The following GRIK3 variants were observed in gnomAD, a reference collection of about 807,000 sequenced individuals.
The protein encoded by GRIK3 is glutamate receptor ionotropic, kainate 3.
Under a neutral mutation model 102.5 loss-of-function variants are expected in GRIK3, and 29 were observed. That is an observed-to-expected ratio of 0.28 (90% CI 0.21 to 0.39). GRIK3 has a LOEUF of 0.39. Ranked by LOEUF, GRIK3 falls within the 10% of genes least tolerant of loss-of-function variation. The pLI is 1.00. For synonymous variants in GRIK3, 511 were observed against 504.9 expected, an observed-to-expected ratio of 1.01 and a Z score of -0.16; for missense variants, 908 against 1,252.4, an observed-to-expected ratio of 0.73 and a Z score of 4.15.
chr1:36,818,673 A>T (rs924677165), intron 12 of GRIK3, among the ~76,000 whole-genome samples: 3 of 152,218 alleles, frequency 2.0e-5, no homozygotes, highest in African/African-American at 7.2e-5. Flanking sequence ...AGAGCCTGGC[A>T]TGTAGTGGGT....
chr1:36,904,500 T>C (rs1319054872), intron 1 of GRIK3, among the ~76,000 whole-genome samples: 1 of 152,246 alleles, frequency 6.6e-6, no homozygotes, highest in African/African-American at 2.4e-5. Context: ...AAATACCATA[T>C]GACCCAGTAA....
intron 2 of GRIK3, 117 bp downstream of exon 2, chr1:36,890,803 A>C: frequency 1.4e-6 from 1 of 715,680 alleles, no homozygotes; most frequent in Non-Finnish European, 2.2e-6. Flanking sequence ...CAAACCAGGT[A>C]GAAAAGGCTC....
At chr1:36,888,043 T>C (rs1474287534) in intron 2 of GRIK3, among the ~76,000 whole-genome samples, 4 of 152,062 alleles carry the variant, frequency 2.6e-5, no homozygotes, top group Non-Finnish European at 5.9e-5. Context: ...CACTCCTAAG[T>C]ATATACCCAA....
At chr1:36,893,639 T>G (rs1641142434) in intron 1 of GRIK3, among the ~76,000 whole-genome samples, 2 of 152,078 alleles carry the variant, frequency 1.3e-5, no homozygotes, top group Non-Finnish European at 2.9e-5. Context: ...ACATTAGAAA[T>G]TTACCAAAAG....
chr1:36,940,714 T>G (rs1641710477), intron 1 of GRIK3, among the ~76,000 whole-genome samples: 1 of 152,216 alleles, frequency 6.6e-6, no homozygotes, highest in South Asian at 2.1e-4. Context: ...ATCCCACTTC[T>G]GATACCCTAA....
intron 11 of GRIK3, among the ~76,000 whole-genome samples, chr1:36,824,335 C>G (rs1227318251): frequency 6.6e-6 from 1 of 152,192 alleles, no homozygotes; most frequent in Non-Finnish European, 1.5e-5. Context: ...TCCTGGCTTT[C>G]AAAGGCTTGT....
At chr1:37,010,462 A>C (rs1302795189) in intron 1 of GRIK3, among the ~76,000 whole-genome samples, 1 of 152,204 alleles carries the variant, frequency 6.6e-6, no homozygotes, top group Non-Finnish European at 1.5e-5. Flanking sequence ...GAAGTGGTGG[A>C]GCCGGGATTC....
intron 1 of GRIK3, among the ~76,000 whole-genome samples, chr1:36,933,834 G>A (rs1167270505): frequency 1.3e-5 from 2 of 152,152 alleles, no homozygotes; most frequent in African/African-American, 4.8e-5. Context: ...TAAGTCCTGG[G>A]TGTGTGGCAG....
intron 10 of GRIK3, among the ~76,000 whole-genome samples, chr1:36,834,642 C>G (rs1640350131): frequency 6.6e-6 from 1 of 152,114 alleles, no homozygotes; most frequent in South Asian, 2.1e-4. Flanking sequence ...CGGGGACCAG[C>G]CTGTGCCTAT....
intron 7 of GRIK3, among the ~76,000 whole-genome samples, chr1:36,856,511 T>C (rs1184498830): frequency 6.6e-6 from 1 of 152,160 alleles, no homozygotes; most frequent in African/African-American, 2.4e-5. Flanking sequence ...TTTACTGTCA[T>C]GCAATCAGAT....
intron 1 of GRIK3, among the ~76,000 whole-genome samples, chr1:36,955,146 C>G (rs1031390849): frequency 6.6e-6 from 1 of 152,234 alleles, no homozygotes; most frequent in African/African-American, 2.4e-5. Context: ...CACTGATTTG[C>G]TGAGGCTCAG....
chr1:36,896,525 G>A (rs1641174931), intron 1 of GRIK3, among the ~76,000 whole-genome samples: 1 of 152,110 alleles, frequency 6.6e-6, no homozygotes, highest in Non-Finnish European at 1.5e-5. Context: ...GATAAGTGAG[G>A]AGAGGAAATG....
intron 10 of GRIK3, among the ~76,000 whole-genome samples, chr1:36,829,763 C>T (rs1642795465): frequency 6.6e-6 from 1 of 152,152 alleles, no homozygotes; most frequent in East Asian, 1.9e-4. Flanking sequence ...CCCCCAGCTC[C>T]CCAAACTGAA....
chr1:36,963,030 T>A, intron 1 of GRIK3, among the ~76,000 whole-genome samples: 1 of 152,022 alleles, frequency 6.6e-6, no homozygotes, highest in East Asian at 1.9e-4. Flanking sequence ...TCAGACAGCT[T>A]CCATTCCAGG....
intron 1 of GRIK3, among the ~76,000 whole-genome samples, chr1:36,980,509 C>G (rs1427307401): frequency 6.6e-6 from 1 of 151,836 alleles, no homozygotes; most frequent in African/African-American, 2.4e-5. Flanking sequence ...GTGGTTTGGA[C>G]TCTGGATGCC....
Position 36,801,756 on chromosome 1 carries a change from C to G in GRIK3, c.*95G>C, listed in dbSNP as rs1642442318. On this transcript the variant is annotated 3_prime_UTR_variant, in exon 16 of 16. Coordinates refer to ENST00000373091, the MANE Select transcript of GRIK3 (RefSeq NM_000831.4). ...CAACAGGCAGGTGGCAGCTCTGGTC[C>G]CCAAGCCCAGTGCGGGGACAGGGGA... 1.8e-6 allele frequency: 2 copies of G among 1,125,528 alleles called. No homozygotes were observed. Among genetic ancestry groups the G allele is most frequent in the African/African-American group, 3.1e-5 (2 of 63,994 alleles). The allele number at this position is 1,125,528 out of a possible 1,614,324, so 69.7% of individuals were successfully genotyped here. A position where few individuals can be genotyped will look rare whatever the true frequency, so the allele number is the denominator to read the frequency against.
intron 1 of GRIK3, among the ~76,000 whole-genome samples, chr1:37,011,119 G>A (rs745511647): frequency 6.6e-6 from 1 of 152,174 alleles, no homozygotes; most frequent in Non-Finnish European, 1.5e-5. Context: ...ATTGCACCAG[G>A]AAGTCCAGCA....
At chr1:36,961,601 T>C (rs1642010048) in intron 1 of GRIK3, among the ~76,000 whole-genome samples, 1 of 152,188 alleles carries the variant, frequency 6.6e-6, no homozygotes, top group Admixed American at 6.5e-5. Context: ...GCTGTGGGCT[T>C]CAGGGCCTAT....
intron 1 of GRIK3, among the ~76,000 whole-genome samples, chr1:37,001,582 G>A (rs185176008): frequency 1.3e-5 from 2 of 151,996 alleles, no homozygotes; most frequent in African/African-American, 4.8e-5. Flanking sequence ...TTGCTCATTT[G>A]TGGGAATAGA....
Sources: gnomAD v4.1 joint callset for allele counts (sites outside exome capture counted in the v4.1 genomes callset) on GRCh38, gnomAD v4.1.1 for gene constraint, MANE v1.5 for transcripts, NCBI Gene and HGNC (gene_info 2026-07-23, HGNC 2026-07-21) for gene names.